CEP85L: variants seen among roughly 807,000 people sequenced by gnomAD.
CEP85L encodes the protein centrosomal protein 85L.
Under a neutral mutation model 100.3 loss-of-function variants are expected in CEP85L, and 60 were observed. The ratio of observed to expected loss-of-function variants is 0.60; its 90% CI spans 0.49 to 0.74. The LOEUF is 0.74. CEP85L is among the 30% of genes least tolerant of loss of function. CEP85L has a pLI of 0.00. For synonymous variants in CEP85L, 319 were observed against 322.7 expected, an observed-to-expected ratio of 0.99 and a Z score of 0.12; for missense variants, 973 against 936.2, an observed-to-expected ratio of 1.04 and a Z score of -0.51.
intron 11 of CEP85L, among the ~76,000 whole-genome samples, chr6:118,469,624 G>A (rs1772790827): frequency 6.6e-6 from 1 of 151,960 alleles, no homozygotes; most frequent in Admixed American, 6.6e-5. Context: ...TCTTTTTTGG[G>A]CCTCAATCTG....
chr6:118,645,975 T>C (rs1456958521), intron 1 of CEP85L, among the ~76,000 whole-genome samples: 4 of 152,074 alleles, frequency 2.6e-5, no homozygotes, highest in Admixed American at 2.6e-4. Context: ...TCCCAGCACT[T>C]TGGGAGGCCG....
intron 3 of CEP85L, among the ~76,000 whole-genome samples, chr6:118,562,583 C>T (rs1779286993): frequency 6.6e-6 from 1 of 152,092 alleles, no homozygotes; most frequent in South Asian, 2.1e-4. Context: ...TGGTCCCAAA[C>T]TCCTATCCTC....
intron 2 of CEP85L, among the ~76,000 whole-genome samples, chr6:118,623,906 C>T (rs1773612836): frequency 6.6e-6 from 1 of 152,220 alleles, no homozygotes; most frequent in South Asian, 2.1e-4. Context: ...ACCTTCCCAT[C>T]TATGGATCCC....
At chr6:118,561,505 AGATAT>A (rs1346961425) in intron 3 of CEP85L, among the ~76,000 whole-genome samples, 1 of 152,140 alleles carries the variant, frequency 6.6e-6, no homozygotes, top group Non-Finnish European at 1.5e-5. Flanking sequence ...GTAAAGAATA[AGATAT>A]AAGAAAACAA....
chr6:118,645,603 T>C (rs1583217738), intron 1 of CEP85L, among the ~76,000 whole-genome samples: 1 of 152,104 alleles, frequency 6.6e-6, no homozygotes, highest in Admixed American at 6.5e-5. Flanking sequence ...TCCTGGCAGG[T>C]CAAGGCTGCA....
chr6:118,651,607 G>A (rs543145579), upstream of CEP85L: 4 of 1,039,446 alleles, frequency 3.8e-6, no homozygotes, highest in Admixed American at 1.1e-4. Context: ...CCCTCCGCCG[G>A]CAGAGCCAGA....
intron 1 of CEP85L, among the ~76,000 whole-genome samples, chr6:118,707,814 C>T (rs796181507): frequency 1.3e-4 from 20 of 152,096 alleles, no homozygotes; most frequent in African/African-American, 4.6e-4. Context: ...CAAATCTGAA[C>T]CAATGAACAT....
chr6:118,559,650 T>A (rs1779109833), intron 3 of CEP85L: 1 of 169,128 alleles, frequency 5.9e-6, no homozygotes, highest in African/African-American at 2.4e-5. Flanking sequence ...AGAAATTGTA[T>A]TTTTTCTATG....
In CEP85L at chr6:118,511,395, T is replaced by C. The variant is rs765880021; in HGVS notation, c.1160A>G (p.His387Arg). The change falls in exon 5 of 13, where the codon CAC (histidine) becomes CGC (arginine). Residue 387 changes from histidine to arginine, a missense_variant. His to Arg is a conservative substitution (Grantham distance 29). Coordinates refer to ENST00000368491, the MANE Select transcript of CEP85L (RefSeq NM_001042475.3). ...ATTATCCCTTATCCTCTCATGCAGGTGGGTAATTTGTTGCTTCTGCCTGCA... is the reference window on the plus strand; with the variant it reads ...ATTATCCCTTATCCTCTCATGCAGGCGGGTAATTTGTTGCTTCTGCCTGCA... ...VIDRQKQQIT[H>R]LHERIRDNEL... 6.8e-6 allele frequency: 11 copies of C among 1,611,874 alleles called. No individual in the cohort carries two copies. The East Asian group carries it at 2.0e-4, about 29-fold the overall frequency.
intron 2 of CEP85L, among the ~76,000 whole-genome samples, chr6:118,629,615 G>GT (rs113528074): frequency 2.6e-5 from 4 of 152,084 alleles, no homozygotes; most frequent in African/African-American, 7.2e-5. Context: ...CAGTTTGGTG[G>GT]TTTTTTTACA....
intron 3 of CEP85L, among the ~76,000 whole-genome samples, chr6:118,563,738 A>G (rs1197913405): frequency 6.6e-6 from 1 of 152,198 alleles, no homozygotes; most frequent in African/African-American, 2.4e-5. Flanking sequence ...GGCGTGCGCT[A>G]CAGTGCCTGG....
intron 1 of CEP85L, among the ~76,000 whole-genome samples, chr6:118,633,185 T>G (rs1206010545): frequency 1.3e-5 from 2 of 151,330 alleles, no homozygotes; most frequent in Non-Finnish European, 2.9e-5. Context: ...GCACAGCATT[T>G]TCCTACTCTT....
At chr6:118,689,759 T>C (rs1776969855) in intron 1 of CEP85L, among the ~76,000 whole-genome samples, 1 of 152,158 alleles carries the variant, frequency 6.6e-6, no homozygotes, top group Non-Finnish European at 1.5e-5. Flanking sequence ...AAGCATTTAG[T>C]AATATTAATA....
intron 6 of CEP85L, among the ~76,000 whole-genome samples, chr6:118,486,185 G>C (rs1774168473): frequency 6.6e-6 from 1 of 151,894 alleles, no homozygotes; most frequent in Non-Finnish European, 1.5e-5. Context: ...TTGTTTTTTG[G>C]TGTTTCATTT....
In CEP85L at chr6:118,462,978, A is replaced by T. The variant is rs964584932; in HGVS notation, c.*2427T>A. 1.3e-5 allele frequency: 2 copies of T among 152,130 alleles called. No homozygotes were observed. Among genetic ancestry groups the T allele is most frequent in the African/African-American group, 2.4e-5 (1 of 41,534 alleles). The allele number at this position is 152,130 out of a possible 1,614,324, so 9.4% of individuals were successfully genotyped here. ...TTTTAAGAGGATCAATCTATAATTC[A>T]GCTAACTACTTAAACTAGCACATCT... On this transcript the variant is annotated 3_prime_UTR_variant, in exon 13 of 13. Transcript: ENST00000368491.
At chr6:118,493,139 G>A (rs1774686425) in intron 5 of CEP85L, among the ~76,000 whole-genome samples, 1 of 152,124 alleles carries the variant, frequency 6.6e-6, no homozygotes. Context: ...AGGCTTTTCT[G>A]GAGAGGTGGC....
intron 2 of CEP85L, among the ~76,000 whole-genome samples, chr6:118,594,574 A>G (rs767885039): frequency 1.3e-5 from 2 of 152,200 alleles, no homozygotes; most frequent in Non-Finnish European, 2.9e-5. Context: ...ATTAAAAACT[A>G]TATTTAAGAA....
intron 1 of CEP85L, among the ~76,000 whole-genome samples, chr6:118,707,190 C>T (rs1279501200): frequency 1.5e-5 from 2 of 135,852 alleles, no homozygotes; most frequent in African/African-American, 2.8e-5. Context: ...TCCTCATCTG[C>T]TTTTTTTTTT....
rs1315930945 is a variant in CEP85L, at chr6:118,612,686, G to A, written c.232+19767C>T. 3.1e-5 allele frequency among the ~76,000 whole-genome samples: 3 copies of A among 97,612 alleles called. 1 individual carries two copies. The highest frequency in any genetic ancestry group is 4.1e-5 in the Non-Finnish European group (2 of 48,592). 64.0% of individuals were successfully genotyped at this position (97,612 alleles called of 152,430 possible). ...AAAAAAAAAAAAAAGCGGGGGGGGGGGGGGGGGACTCTCAAATCAGTAATC... is the reference window on the plus strand; with the variant it reads ...AAAAAAAAAAAAAAGCGGGGGGGGGAGGGGGGGACTCTCAAATCAGTAATC... On this transcript the variant is annotated intron_variant, in intron 2 of 12. Coordinates refer to ENST00000368491, the MANE Select transcript of CEP85L (RefSeq NM_001042475.3).
Sources: gnomAD v4.1 joint callset for allele counts (sites outside exome capture counted in the v4.1 genomes callset) on GRCh38, gnomAD v4.1.1 for gene constraint, MANE v1.5 for transcripts, NCBI Gene and HGNC (gene_info 2026-07-23, HGNC 2026-07-21) for gene names.